GPATCH8: variants seen among roughly 807,000 people sequenced by gnomAD.
The protein encoded by GPATCH8 is G-patch domain containing 8, also known as G patch domain-containing protein 8.
A neutral mutation model predicts 118.3 loss-of-function variants in GPATCH8; 18 were observed. That is an observed-to-expected ratio of 0.15 (90% CI 0.11 to 0.23). The LOEUF is 0.23. Ranked by LOEUF, GPATCH8 falls within the 10% of genes least tolerant of loss-of-function variation. GPATCH8 has a pLI of 1.00. For missense variants in GPATCH8, 1,631 were observed against 1,873.8 expected, an observed-to-expected ratio of 0.87 and a Z score of 2.39; for synonymous variants, 659 against 684.7, an observed-to-expected ratio of 0.96 and a Z score of 0.59.
chr17:44,407,765 T>A (rs1490015495), intron 6 of GPATCH8, among the ~76,000 whole-genome samples: 1 of 151,668 alleles, frequency 6.6e-6, no homozygotes, highest in Non-Finnish European at 1.5e-5. Context: ...TAAGAGATTC[T>A]CATGCGTTAG....
chr17:44,497,179 G>GA (rs1969718298), intron 1 of GPATCH8, among the ~76,000 whole-genome samples: 1 of 152,192 alleles, frequency 6.6e-6, no homozygotes, highest in Non-Finnish European at 1.5e-5. Flanking sequence ...CTTCAAGCTA[G>GA]AAACCATTTT....
At chr17:44,439,124 T>C (rs954637621) in intron 3 of GPATCH8, among the ~76,000 whole-genome samples, 8 of 152,210 alleles carry the variant, frequency 5.3e-5, no homozygotes, top group Non-Finnish European at 8.8e-5. Context: ...AGTCATTTAC[T>C]TCACCAAAAG....
In GPATCH8 at chr17:44,397,948, G is replaced by A; in HGVS notation, c.4129C>T (p.His1377Tyr). The A allele has an allele frequency of 6.2e-7, 1 of 1,613,914 alleles. No homozygotes were observed. The highest frequency in any genetic ancestry group is 8.5e-7 in the Non-Finnish European group (1 of 1,179,832). Residue 1377 changes from histidine to tyrosine, a missense_variant, in exon 8 of 8, where the codon CAT becomes TAT. This residue lies in a region of GPATCH8 where 111 missense variants were observed against 112.4 expected (regional missense o/e 0.99). Coordinates refer to ENST00000591680, the MANE Select transcript of GPATCH8 (RefSeq NM_001002909.4). Reference protein sequence around the residue: ...ASATSITTVQHAILQHHAAAA... With the variant: ...ASATSITTVQYAILQHHAAAA... ...GCAGCATGATGTTGTAGGATGGCAT[G>A]CTGAACAGTTGTGATGGAGGTGGCA... is the stretch of plus-strand genomic sequence containing the variant.
intron 6 of GPATCH8, among the ~76,000 whole-genome samples, chr17:44,419,844 A>T (rs1228332966): frequency 6.6e-6 from 1 of 152,146 alleles, no homozygotes; most frequent in East Asian, 1.9e-4. Context: ...AGACATTCCA[A>T]GTTCAGGGAA....
At chr17:44,427,389 A>T (rs908673079) in intron 5 of GPATCH8, among the ~76,000 whole-genome samples, 6 of 152,066 alleles carry the variant, frequency 3.9e-5, no homozygotes, top group African/African-American at 1.4e-4. Context: ...TAAGTAAGTT[A>T]ATAGGGTACA....
intron 2 of GPATCH8, among the ~76,000 whole-genome samples, chr17:44,472,329 C>A (rs565519048): frequency 7.9e-5 from 12 of 152,156 alleles, no homozygotes; most frequent in African/African-American, 2.9e-4. Flanking sequence ...AATTAGACTG[C>A]CTTCTGATAC....
rs762006194 is a variant in GPATCH8, at chr17:44,400,685, C to G, written c.1392G>C (p.Gln464His). 1.9e-6 allele frequency: 3 copies of G among 1,611,072 alleles called. No homozygotes were observed. The South Asian group carries it at 3.3e-5, about 18-fold the overall frequency. ...GCTCGGTCATGCTGGTTTCCTTCGG[C>G]TGCTCAGAGACTTCACTAACTGTCT... ...AEKTVSEVSE[Q>H]PKETSMTEPS... The change falls in exon 8 of 8, where the codon CAG becomes CAC. Residue 464 changes from glutamine to histidine, a missense_variant. Transcript: ENST00000591680.
At chr17:44,496,972 T>G (rs569268592) in intron 1 of GPATCH8, among the ~76,000 whole-genome samples, 1 of 152,346 alleles carries the variant, frequency 6.6e-6, no homozygotes, top group Non-Finnish European at 1.5e-5. Flanking sequence ...TTCACTGCAA[T>G]ATCAAATCAA....
intron 3 of GPATCH8, among the ~76,000 whole-genome samples, chr17:44,463,436 G>A (rs1362045899): frequency 6.6e-6 from 1 of 152,170 alleles, no homozygotes; most frequent in African/African-American, 2.4e-5. Context: ...GCCCAGGCTG[G>A]AGTACAGGTG....
Position 44,401,275 on chromosome 17 carries a change from T to C in GPATCH8, c.802A>G (p.Asn268Asp). ...GGPFTAVQIT[N>D]TTGLAQAPGL... Reference sequence around the variant, plus strand: ...GGAGCCTGGGCCAGTCCAGTGGTATTAGTGATTTGTACTGCAGTGAAAGGG... The same window carrying C: ...GGAGCCTGGGCCAGTCCAGTGGTATCAGTGATTTGTACTGCAGTGAAAGGG... The change falls in exon 8 of 8, where the codon AAT becomes GAT. Residue 268 changes from asparagine (N) to aspartate (D), a missense_variant. Physicochemically the swap from Asn to Asp is conservative, Grantham distance 23 (BLOSUM62 1). This residue lies in a region of GPATCH8 where 405 missense variants were observed against 462.7 expected (regional missense o/e 0.88). Transcript: ENST00000591680. 3 of 1,613,258 alleles carry C rather than the reference T, an allele frequency of 1.9e-6. No individual in the cohort carries two copies. Among genetic ancestry groups the C allele is most frequent in the South Asian group, 1.1e-5 (1 of 91,042 alleles).
chr17:44,414,471 C>T (rs2143801209), intron 6 of GPATCH8, among the ~76,000 whole-genome samples: 1 of 152,094 alleles, frequency 6.6e-6, no homozygotes, highest in South Asian at 2.1e-4. Context: ...TCATGCCCTG[C>T]TAATTTATTT....
chr17:44,417,770 T>G (rs1008730595), intron 6 of GPATCH8, among the ~76,000 whole-genome samples: 1 of 152,010 alleles, frequency 6.6e-6, no homozygotes, highest in African/African-American at 2.4e-5. Flanking sequence ...CACAGATTGG[T>G]GTAAGAGAAA....
chr17:44,396,906 T>C lies in GPATCH8; in HGVS notation c.*662A>G, dbSNP rs932801118. ...CATGATAGGATCTTCTTTTCTGGGATATGGAGATGCCTCTTCTGGGATGAG... is the reference window on the plus strand; with the variant it reads ...CATGATAGGATCTTCTTTTCTGGGACATGGAGATGCCTCTTCTGGGATGAG... On this transcript the variant is annotated 3_prime_UTR_variant, in exon 8 of 8. Transcript: ENST00000591680. 3.3e-5 allele frequency: 15 copies of C among 454,030 alleles called. No homozygotes were observed. Among genetic ancestry groups the C allele is most frequent in the African/African-American group, 6.0e-5 (3 of 49,996 alleles). 28.1% of individuals were successfully genotyped at this position (454,030 alleles called of 1,614,324 possible). A position where few individuals can be genotyped will look rare whatever the true frequency, so the allele number is the denominator to read the frequency against.
chr17:44,405,197 A>G (rs1457933406), intron 7 of GPATCH8, among the ~76,000 whole-genome samples: 2 of 151,910 alleles, frequency 1.3e-5, no homozygotes, highest in Non-Finnish European at 2.9e-5. Context: ...TAAAAACTGA[A>G]GGTTTATAAT....
chr17:44,401,419 T>C lies in GPATCH8; in HGVS notation c.658A>G (p.Thr220Ala), dbSNP rs1232289679. ...CCACCTTCTTCATCTACAGCCACTG[T>C]GGTTGGTTTGAACATGGGACCACTT... ...PGSGPMFKPT[T>A]VAVDEEGGED... is the part of the protein sequence containing the mutation. Residue 220 changes from threonine (T) to alanine (A), a missense_variant, in exon 8 of 8, where the codon ACA becomes GCA. Thr to Ala is a moderately conservative substitution (Grantham distance 58, BLOSUM62 0). Transcript: ENST00000591680. 1.2e-6 allele frequency: 2 copies of C among 1,613,304 alleles called. No homozygotes were observed. The highest frequency in any genetic ancestry group is 1.1e-5 in the South Asian group (1 of 91,066).
At position 44,397,577 on chromosome 17, in the gene GPATCH8, A is replaced by G; in HGVS notation, c.4500T>C (p.His1500=). 3 of 1,610,652 alleles carry G rather than the reference A, an allele frequency of 1.9e-6. No homozygotes were observed. The highest frequency in any genetic ancestry group is 2.5e-6 in the Non-Finnish European group (3 of 1,177,018). ...SGQDLQHPPS[H]GT is the part of the protein sequence containing the mutation. ...GATCCCATCCCCCAACTCACGTGCCATGGCTGGGGGGATGTTGCAGGTCCT... is the reference window on the plus strand; with the variant it reads ...GATCCCATCCCCCAACTCACGTGCCGTGGCTGGGGGGATGTTGCAGGTCCT... The change falls in exon 8 of 8, where the codon CAT becomes CAC. Residue 1500 remains histidine (H), a synonymous_variant. Transcript: ENST00000591680.
At chr17:44,454,164 G>C (rs2051239804) in intron 3 of GPATCH8, among the ~76,000 whole-genome samples, 2 of 152,096 alleles carry the variant, frequency 1.3e-5, no homozygotes, top group African/African-American at 4.8e-5. Context: ...ATTATTTAGA[G>C]AAAAGGTCTT....
intron 1 of GPATCH8, among the ~76,000 whole-genome samples, chr17:44,475,748 G>A (rs1323846006): frequency 6.6e-6 from 1 of 151,820 alleles, no homozygotes; most frequent in Non-Finnish European, 1.5e-5. Flanking sequence ...TATTAGAGCT[G>A]GGCACAGTGG....
chr17:44,427,733 A>C (rs1207083483), intron 5 of GPATCH8, among the ~76,000 whole-genome samples: 1 of 152,212 alleles, frequency 6.6e-6, no homozygotes, highest in African/African-American at 2.4e-5. Context: ...ATGAAGCCAC[A>C]TACTAAGAAT....
Sources: gnomAD v4.1 joint callset for allele counts (sites outside exome capture counted in the v4.1 genomes callset) on GRCh38, gnomAD v4.1.1 for gene constraint, gnomAD v4.1.1 regional missense constraint, MANE v1.5 for transcripts, NCBI Gene and HGNC (gene_info 2026-07-23, HGNC 2026-07-21) for gene names.